DIS3L2: variants seen among roughly 807,000 people sequenced by gnomAD.
DIS3L2 encodes the protein DIS3 like 3'-5' exoribonuclease 2.
Under a neutral mutation model 97.5 loss-of-function variants are expected in DIS3L2, and 34 were observed. That is an observed-to-expected ratio of 0.35 (90% confidence interval 0.27 to 0.46). The LOEUF (loss-of-function observed/expected upper bound fraction) is 0.46, where lower values mean the gene tolerates loss of function less well. Among genes scored for constraint, DIS3L2 ranks in the 20% least tolerant of loss-of-function variants. DIS3L2 has a pLI of 1.00. For missense variants in DIS3L2, 1,038 were observed against 1,146.0 expected, an observed-to-expected ratio of 0.91 and a Z score of 1.36; for synonymous variants, 435 against 445.2, an observed-to-expected ratio of 0.98 and a Z score of 0.29.
intron 14 of DIS3L2, among the ~76,000 whole-genome samples, chr2:232,324,518 C>G (rs1695522385): frequency 6.6e-6 from 1 of 152,100 alleles, no homozygotes; most frequent in African/African-American, 2.4e-5. Flanking sequence ...GCCCCGGCTC[C>G]CGCTCATTTC....
chr2:232,099,125 A>G (rs892027707), intron 6 of DIS3L2, among the ~76,000 whole-genome samples: 1 of 151,896 alleles, frequency 6.6e-6, no homozygotes, highest in Non-Finnish European at 1.5e-5. Context: ...CCATCCTTTT[A>G]TTCGTCATAT....
At chr2:232,211,863 A>C (rs1692200552) in intron 10 of DIS3L2, among the ~76,000 whole-genome samples, 4 of 152,072 alleles carry the variant, frequency 2.6e-5, no homozygotes, top group Non-Finnish European at 2.9e-5. Flanking sequence ...AAAATTAATT[A>C]ATTAATCGAT....
intron 8 of DIS3L2, among the ~76,000 whole-genome samples, chr2:232,148,590 A>G (rs1163233085): frequency 6.6e-6 from 1 of 152,202 alleles, no homozygotes; most frequent in Non-Finnish European, 1.5e-5. Context: ...TTTGGAAACC[A>G]TAACTAAAAT....
intron 11 of DIS3L2, among the ~76,000 whole-genome samples, chr2:232,242,362 G>A (rs1693124275): frequency 6.6e-6 from 1 of 152,204 alleles, no homozygotes; most frequent in Admixed American, 6.5e-5. Flanking sequence ...CTGAGGGAGT[G>A]TGGGTGGGGA....
chr2:232,084,587 T>A, intron 5 of DIS3L2, among the ~76,000 whole-genome samples: 1 of 152,288 alleles, frequency 6.6e-6, no homozygotes, highest in East Asian at 1.9e-4. Flanking sequence ...TTTTGGAGAT[T>A]GCTGGCCTGG....
intron 9 of DIS3L2, among the ~76,000 whole-genome samples, chr2:232,191,748 A>G (rs565954223): frequency 4.6e-5 from 7 of 152,324 alleles, no homozygotes; most frequent in Admixed American, 3.3e-4. Flanking sequence ...TCAAATTGTG[A>G]TTGTTTAAAC....
chr2:232,286,539 A>G (rs1224698849), intron 13 of DIS3L2, among the ~76,000 whole-genome samples: 2 of 152,246 alleles, frequency 1.3e-5, no homozygotes, highest in African/African-American at 4.8e-5. Flanking sequence ...AGCTTGTTCC[A>G]GCATGTCATG....
At chr2:232,300,536 A>G (rs1392525299) in intron 14 of DIS3L2, among the ~76,000 whole-genome samples, 1 of 151,652 alleles carries the variant, frequency 6.6e-6, no homozygotes, top group East Asian at 1.9e-4. Context: ...TGTAAATTTT[A>G]TATTAATGGT....
chr2:232,140,389 T>C (rs1448991721), intron 8 of DIS3L2, among the ~76,000 whole-genome samples: 1 of 152,150 alleles, frequency 6.6e-6, no homozygotes, highest in Admixed American at 6.6e-5. Flanking sequence ...GCTGGTCAGA[T>C]GAGTAGATGG....
chr2:232,040,036 A>C (rs964238750), intron 5 of DIS3L2, among the ~76,000 whole-genome samples: 1 of 152,214 alleles, frequency 6.6e-6, no homozygotes, highest in Non-Finnish European at 1.5e-5. Context: ...AGAGAATGGA[A>C]ACAATTATGG....
At chr2:232,077,905 C>T (rs557693733) in intron 5 of DIS3L2, among the ~76,000 whole-genome samples, 38 of 152,248 alleles carry the variant, frequency 2.5e-4, no homozygotes, top group Non-Finnish European at 4.7e-4. Context: ...AGGCCCTTTA[C>T]TGTACTTTGT....
intron 13 of DIS3L2, among the ~76,000 whole-genome samples, chr2:232,284,769 C>T (rs577323955): frequency 2.9e-4 from 44 of 152,164 alleles, no homozygotes; most frequent in Non-Finnish European, 5.6e-4. Flanking sequence ...GCCTCATCTA[C>T]ACCATGCAGG....
intron 1 of DIS3L2, among the ~76,000 whole-genome samples, chr2:232,010,071 A>G (rs1452849337): frequency 1.3e-5 from 2 of 152,230 alleles, no homozygotes; most frequent in Non-Finnish European, 2.9e-5. Flanking sequence ...GCCCCAGGCT[A>G]AAACACCACA....
intron 5 of DIS3L2, among the ~76,000 whole-genome samples, chr2:232,032,098 A>G (rs1477373271): frequency 6.6e-6 from 1 of 152,218 alleles, no homozygotes; most frequent in Non-Finnish European, 1.5e-5. Context: ...GTCTTCCACA[A>G]TGGTTGAACT....
intron 16 of DIS3L2, chr2:232,331,807 C>T (rs1695744883): frequency 6.6e-6 from 1 of 152,232 alleles, no homozygotes; most frequent in Non-Finnish European, 1.5e-5. Context: ...AGCTGGAGCT[C>T]CAGAGATCGG....
At chr2:232,044,223 T>C (rs528271772) in intron 5 of DIS3L2, among the ~76,000 whole-genome samples, 1 of 152,138 alleles carries the variant, frequency 6.6e-6, no homozygotes, top group African/African-American at 2.4e-5. Flanking sequence ...CATAGTCACA[T>C]TGTATATTAA....
intron 14 of DIS3L2, among the ~76,000 whole-genome samples, chr2:232,317,355 G>C (rs1318734278): frequency 6.6e-6 from 1 of 152,144 alleles, no homozygotes; most frequent in Non-Finnish European, 1.5e-5. Flanking sequence ...GCAGATGCTG[G>C]ACAAATGTCT....
At chr2:232,206,981 C>G (rs998985) in intron 9 of DIS3L2, among the ~76,000 whole-genome samples, 1 of 152,034 alleles carries the variant, frequency 6.6e-6, no homozygotes, top group East Asian at 1.9e-4. Flanking sequence ...TCTCAAAGCA[C>G]CCAGAGACGT....
intron 13 of DIS3L2, among the ~76,000 whole-genome samples, chr2:232,283,086 T>C (rs1694339598): frequency 6.6e-6 from 1 of 152,192 alleles, no homozygotes; most frequent in Admixed American, 6.5e-5. Context: ...GGCTTTGCTT[T>C]AGTAACAACA....
Sources: gnomAD v4.1 joint callset for allele counts (sites outside exome capture counted in the v4.1 genomes callset) on GRCh38, gnomAD v4.1.1 for gene constraint, MANE v1.5 for transcripts, NCBI Gene and HGNC (gene_info 2026-07-23, HGNC 2026-07-21) for gene names.